CRYBG1: variants seen among roughly 807,000 people sequenced by gnomAD.
The protein encoded by CRYBG1 is beta/gamma crystallin domain-containing protein 1.
CRYBG1 carries 139 observed loss-of-function variants against 189.2 expected under a neutral mutation model. The ratio of observed to expected loss-of-function variants is 0.73; its 90% CI spans 0.64 to 0.85. The LOEUF (loss-of-function observed/expected upper bound fraction) is 0.85. Ranked by LOEUF, CRYBG1 falls within the 40% of genes least tolerant of loss-of-function variation. The pLI is 0.00. For missense variants in CRYBG1, 2,611 were observed against 2,675.8 expected (o/e 0.98, Z 0.53); for synonymous variants, 1,023 against 1,017.1 (o/e 1.01, Z -0.11).
intron 8 of CRYBG1, among the ~76,000 whole-genome samples, chr6:106,535,640 C>A (rs1773988142): frequency 1.3e-5 from 2 of 152,178 alleles, no homozygotes; most frequent in African/African-American, 4.8e-5. Context: ...TATAGATTTG[C>A]ATTTTCAAAT....
chr6:106,526,941 CA>C (rs35768853), intron 6 of CRYBG1, among the ~76,000 whole-genome samples: 32,250 of 87,582 alleles, frequency 0.37, 2,330 homozygotes, highest in East Asian at 0.48. Context: ...ACTCTGTATC[CA>C]AAAAAAAAAA....
intron 7 of CRYBG1, among the ~76,000 whole-genome samples, chr6:106,528,011 G>T (rs17495644): frequency 0.23 from 34,620 of 152,094 alleles, 4,153 homozygotes; most frequent in South Asian, 0.35. Context: ...CTTTCTTTGT[G>T]GCTCTTAGGA....
intron 2 of CRYBG1, among the ~76,000 whole-genome samples, chr6:106,464,340 A>G (rs888248488): frequency 6.6e-6 from 1 of 152,090 alleles, no homozygotes; most frequent in African/African-American, 2.4e-5. Context: ...AAAAATACAA[A>G]AAATTAGCCG....
intron 6 of CRYBG1, among the ~76,000 whole-genome samples, chr6:106,526,867 G>A (rs1004175874): frequency 2.7e-5 from 4 of 150,754 alleles, no homozygotes; most frequent in Non-Finnish European, 4.4e-5. Context: ...CTTGAACCAG[G>A]GAGGCGGAGG....
intron 1 of CRYBG1, among the ~76,000 whole-genome samples, chr6:106,441,984 T>C (rs1232250709): frequency 1.3e-5 from 2 of 152,184 alleles, no homozygotes; most frequent in Non-Finnish European, 2.9e-5. Flanking sequence ...TAGGAATGTT[T>C]TAGAGGTCTT....
At chr6:106,553,249 A>G (rs1200745558) in intron 15 of CRYBG1, among the ~76,000 whole-genome samples, 1 of 152,230 alleles carries the variant, frequency 6.6e-6, no homozygotes, top group Non-Finnish European at 1.5e-5. Context: ...ATGTCTCTGA[A>G]TTAAATAAAT....
chr6:106,519,484 A>G lies in CRYBG1; in HGVS notation c.2276A>G (p.Glu759Gly). 6.2e-7 allele frequency: 1 copy of G among 1,614,120 alleles called. No homozygotes were observed. Among genetic ancestry groups the G allele is most frequent in the Non-Finnish European group, 8.5e-7 (1 of 1,180,036 alleles). The change falls in exon 4 of 22, where the codon GAG (glutamate) becomes GGG (glycine). Residue 759 changes from glutamate (E) to glycine (G), a missense_variant. Around this residue, in one of 3 missense-constraint regions of CRYBG1, gnomAD observed 1,622 missense variants for 1,735.0 expected, o/e 0.93. Coordinates refer to ENST00000633556, the MANE Select transcript of CRYBG1 (RefSeq NM_001371242.2). ...IETKVTVSEE[E>G]ILPATRGMNG... ...ACCAAAGTTACCGTCTCGGAAGAAG[A>G]GATTCTGCCAGCAACCAGAGGAATG...
intron 1 of CRYBG1, among the ~76,000 whole-genome samples, chr6:106,361,710 T>C (rs976764343): frequency 3.3e-5 from 5 of 152,326 alleles, no homozygotes; most frequent in Non-Finnish European, 5.9e-5. Context: ...ATTTTTATCA[T>C]GGTTTTGAAG....
intron 2 of CRYBG1, among the ~76,000 whole-genome samples, chr6:106,481,894 C>T (rs1772469078): frequency 6.6e-6 from 1 of 152,206 alleles, no homozygotes; most frequent in Non-Finnish European, 1.5e-5. Context: ...TGGGGGTTCC[C>T]CAAGTCTTGT....
chr6:106,526,524 G>T (rs974287698), intron 6 of CRYBG1, among the ~76,000 whole-genome samples: 2 of 152,022 alleles, frequency 1.3e-5, no homozygotes, highest in African/African-American at 4.8e-5. Context: ...GGCTGTTGTT[G>T]GGAAGAATAT....
At chr6:106,439,694 C>G (rs1468905182) in intron 1 of CRYBG1, among the ~76,000 whole-genome samples, 1 of 151,786 alleles carries the variant, frequency 6.6e-6, no homozygotes, top group Non-Finnish European at 1.5e-5. Context: ...GAAGCCTCAA[C>G]CAGTGGCACA....
At chr6:106,561,601 C>T in intron 20 of CRYBG1, 101 bp downstream of exon 20, 1 of 1,357,320 alleles carries the variant, frequency 7.4e-7, no homozygotes, top group Admixed American at 2.3e-5. Flanking sequence ...TGCAATTTCA[C>T]AATTCCTGGA....
chr6:106,552,582 C>CAAAAA (rs58470981), intron 15 of CRYBG1, among the ~76,000 whole-genome samples: 12 of 67,644 alleles, frequency 1.8e-4, no homozygotes, highest in Non-Finnish European at 3.0e-4. Flanking sequence ...GACTCTGTCT[C>CAAAAA]AAAAAAAAAA....
intron 1 of CRYBG1, among the ~76,000 whole-genome samples, chr6:106,414,316 A>G (rs1299255648): frequency 2.0e-5 from 3 of 152,262 alleles, no homozygotes; most frequent in Non-Finnish European, 4.4e-5. Context: ...CACAAGGAAG[A>G]TGGCTCCTTG....
chr6:106,379,401 A>G (rs1770243243), intron 1 of CRYBG1, among the ~76,000 whole-genome samples: 1 of 151,668 alleles, frequency 6.6e-6, no homozygotes, highest in African/African-American at 2.4e-5. Flanking sequence ...AGCTGGGACT[A>G]CAGGCACCTG....
rs761637731 is a variant in CRYBG1 at position 106,521,386 on chromosome 6, G to T, written c.4178G>T (p.Gly1393Val). Residue 1393 changes from glycine to valine, a missense_variant, in exon 4 of 22, where the codon GGT becomes GTT. This residue lies in a region of CRYBG1 where 1,622 missense variants were observed against 1,735.0 expected (regional missense o/e 0.93). Coordinates refer to ENST00000633556, the MANE Select transcript of CRYBG1 (RefSeq NM_001371242.2). ...NCANSDTDFM[G>V]LFKSSRYDPS... is the part of the protein sequence containing the mutation. Reference sequence around the variant, plus strand: ...GCAAACAGTGACACCGACTTCATGGGTCTTTTCAAATCAAGCCGGTATGAC... The same window carrying T: ...GCAAACAGTGACACCGACTTCATGGTTCTTTTCAAATCAAGCCGGTATGAC... The T allele has an allele frequency of 2.4e-5, 39 of 1,612,260 alleles. 1 individual carries two copies. The highest frequency in any genetic ancestry group is 3.2e-5 in the Non-Finnish European group (38 of 1,179,574).
At chr6:106,504,648 TG>T (rs1412229179) in intron 2 of CRYBG1, among the ~76,000 whole-genome samples, 4 of 124,138 alleles carry the variant, frequency 3.2e-5, no homozygotes. Context: ...TGCGTGTGTG[TG>T]TTTGTGTGTG....
intron 1 of CRYBG1, among the ~76,000 whole-genome samples, chr6:106,398,946 T>C (rs897011269): frequency 6.6e-5 from 10 of 152,182 alleles, no homozygotes; most frequent in Admixed American, 6.5e-4. Flanking sequence ...GTCGAGTAAA[T>C]AAATGAAGGC....
intron 2 of CRYBG1, among the ~76,000 whole-genome samples, chr6:106,507,769 T>C (rs928829150): frequency 6.6e-6 from 1 of 152,120 alleles, no homozygotes; most frequent in Non-Finnish European, 1.5e-5. Context: ...TAGGAAGGGG[T>C]GTTCCTCAAA....
Sources: gnomAD v4.1 joint callset for allele counts (sites outside exome capture counted in the v4.1 genomes callset) on GRCh38, gnomAD v4.1.1 for gene constraint, gnomAD v4.1.1 regional missense constraint, MANE v1.5 for transcripts, NCBI Gene and HGNC (gene_info 2026-07-23, HGNC 2026-07-21) for gene names.